The following TMTC2 variants were observed in gnomAD, a reference collection of about 807,000 sequenced individuals.
TMTC2 encodes the protein protein O-mannosyl-transferase TMTC2.
TMTC2 carries 43 observed loss-of-function variants against 82.4 expected under a neutral mutation model. The observed-to-expected ratio is 0.52, with a 90% CI of 0.41 to 0.67. TMTC2 has a LOEUF of 0.67. TMTC2 is among the 30% of genes least tolerant of loss of function. The pLI is 0.00. For synonymous variants in TMTC2, 408 were observed against 381.9 expected, an observed-to-expected ratio of 1.07 and a Z score of -0.80; for missense variants, 919 against 1,012.4, an observed-to-expected ratio of 0.91 and a Z score of 1.25.
intron 1 of TMTC2, among the ~76,000 whole-genome samples, chr12:82,749,783 G>T (rs1388689541): frequency 6.9e-6 from 1 of 145,688 alleles, no homozygotes; most frequent in African/African-American, 2.6e-5. Flanking sequence ...TGTTGCCTAG[G>T]CTGGAGTGCA....
intron 1 of TMTC2, among the ~76,000 whole-genome samples, chr12:82,855,087 A>G (rs1025720706): frequency 7.2e-5 from 11 of 152,214 alleles, no homozygotes; most frequent in African/African-American, 2.7e-4. Context: ...ATACATGTTT[A>G]TTAAATGATT....
chr12:82,716,564 G>T (rs946071829), intron 1 of TMTC2, among the ~76,000 whole-genome samples: 15 of 151,852 alleles, frequency 9.9e-5, no homozygotes, highest in African/African-American at 3.1e-4. Flanking sequence ...GGGTTTCACC[G>T]TGTTAGCCAG....
intron 1 of TMTC2, among the ~76,000 whole-genome samples, chr12:82,765,656 A>T (rs1370866378): frequency 2.0e-5 from 3 of 152,104 alleles, no homozygotes; most frequent in African/African-American, 7.2e-5. Flanking sequence ...CTTTGGCAAC[A>T]AGAGTGAAAC....
At chr12:82,818,204 T>C (rs1868864346) in intron 1 of TMTC2, among the ~76,000 whole-genome samples, 1 of 152,138 alleles carries the variant, frequency 6.6e-6, no homozygotes, top group Non-Finnish European at 1.5e-5. Flanking sequence ...GCTGACTGGC[T>C]ATATATATTT....
chr12:82,757,047 G>T (rs1379202128), intron 1 of TMTC2, among the ~76,000 whole-genome samples: 2 of 152,094 alleles, frequency 1.3e-5, no homozygotes, highest in Non-Finnish European at 2.9e-5. Flanking sequence ...AAAACCCCTG[G>T]TATTCTCAGA....
chr12:82,773,003 G>C (rs1037728216), intron 1 of TMTC2, among the ~76,000 whole-genome samples: 1 of 152,106 alleles, frequency 6.6e-6, no homozygotes, highest in African/African-American at 2.4e-5. Context: ...TTTTTTGTTT[G>C]TGTTTAAATA....
intron 8 of TMTC2, among the ~76,000 whole-genome samples, chr12:83,023,721 C>T (rs927584570): frequency 3.3e-5 from 5 of 152,224 alleles, no homozygotes; most frequent in Non-Finnish European, 5.9e-5. Flanking sequence ...GAGGTCTCTT[C>T]GCCTATTCTG....
chr12:82,746,524 C>A (rs1875701156), intron 1 of TMTC2, among the ~76,000 whole-genome samples: 1 of 152,162 alleles, frequency 6.6e-6, no homozygotes, highest in South Asian at 2.1e-4. Context: ...CATGAACCTT[C>A]CTTTCTCTGC....
intron 11 of TMTC2, among the ~76,000 whole-genome samples, chr12:83,085,599 T>A (rs546109959): frequency 6.6e-6 from 1 of 152,314 alleles, no homozygotes; most frequent in South Asian, 2.1e-4. Flanking sequence ...CAGAAAAATA[T>A]TGACATTTGA....
Position 83,037,465 on chromosome 12 carries a change from T to C in TMTC2, c.2152+6586T>C, listed in dbSNP as rs139671710. ...GATTTTGAGTCTTTGCAAAATTACA[T>C]TGAGATTACAATTACGTTTAATACT... On this transcript the variant is annotated intron_variant, in intron 9 of 11. Coordinates refer to ENST00000321196, the MANE Select transcript of TMTC2 (RefSeq NM_152588.3). Among the ~76,000 whole-genome samples the C allele has an allele frequency of 2.7e-3, 411 of 152,302 alleles. 2 individuals carry two copies. Among genetic ancestry groups the C allele is most frequent in the African/African-American group, 9.6e-3 (399 of 41,560 alleles).
At chr12:82,741,828 G>A (rs1362676365) in intron 1 of TMTC2, among the ~76,000 whole-genome samples, 2 of 152,164 alleles carry the variant, frequency 1.3e-5, no homozygotes, top group Non-Finnish European at 2.9e-5. Context: ...GGGTAGTGGG[G>A]AAGAATGGTC....
intron 1 of TMTC2, among the ~76,000 whole-genome samples, chr12:82,722,711 C>A (rs1466365637): frequency 6.6e-6 from 1 of 152,102 alleles, no homozygotes; most frequent in South Asian, 2.1e-4. Flanking sequence ...CACTGCATTT[C>A]GGCCTGGGCA....
At chr12:83,010,777 C>T (rs565841459) in intron 8 of TMTC2, among the ~76,000 whole-genome samples, 3 of 152,094 alleles carry the variant, frequency 2.0e-5, no homozygotes, top group East Asian at 1.9e-4. Context: ...ATTTTCCCAT[C>T]GCACAAGGCA....
At chr12:82,903,532 C>T (rs1874135504) in intron 3 of TMTC2, among the ~76,000 whole-genome samples, 1 of 152,162 alleles carries the variant, frequency 6.6e-6, no homozygotes, top group South Asian at 2.1e-4. Context: ...CTGCCTCAGC[C>T]TCCCGAGTAG....
At chr12:82,997,635 A>C (rs1056097423) in intron 8 of TMTC2, among the ~76,000 whole-genome samples, 17 of 151,420 alleles carry the variant, frequency 1.1e-4, no homozygotes, top group Admixed American at 3.3e-4. Context: ...AAATTTAAGA[A>C]TGCCAAGAAG....
intron 3 of TMTC2, among the ~76,000 whole-genome samples, chr12:82,917,654 T>A (rs1875080667): frequency 1.3e-5 from 2 of 152,024 alleles, no homozygotes; most frequent in African/African-American, 2.4e-5. Flanking sequence ...CAGGCTGGAG[T>A]GCAGTGGTAC....
chr12:83,124,980 A>G (rs941929922), intron 11 of TMTC2, among the ~76,000 whole-genome samples: 2 of 152,148 alleles, frequency 1.3e-5, no homozygotes, highest in Non-Finnish European at 2.9e-5. Context: ...TAAAATATGA[A>G]ACATATTGTT....
Position 82,896,334 on chromosome 12 carries a change from G to A in TMTC2, c.1171G>A (p.Glu391Lys), listed in dbSNP as rs1211955197. 5 of 1,613,948 alleles carry A rather than the reference G, an allele frequency of 3.1e-6. No homozygotes were observed. The highest frequency in any genetic ancestry group is 4.2e-6 in the Non-Finnish European group (5 of 1,179,976). The change falls in exon 3 of 12, where the codon GAG (glutamate) becomes AAG (lysine). Residue 391 changes from glutamate to lysine, a missense_variant. Physicochemically the swap from Glu to Lys is moderately conservative, Grantham distance 56 (BLOSUM62 1). Coordinates refer to ENST00000321196, the MANE Select transcript of TMTC2 (RefSeq NM_152588.3). ...VSQRTQLPST[E>K]NIVVLSLSLL... ...ACAGAGAACCCAGCTTCCTTCTACGGAGAACATTGTTGTTCTGTCTTTATC... is the reference window on the plus strand; with the variant it reads ...ACAGAGAACCCAGCTTCCTTCTACGAAGAACATTGTTGTTCTGTCTTTATC...
At chr12:82,784,953 T>G (rs1485530107) in intron 1 of TMTC2, among the ~76,000 whole-genome samples, 1 of 152,104 alleles carries the variant, frequency 6.6e-6, no homozygotes. Flanking sequence ...GAAAATAGCT[T>G]AGTTTACAAT....
Sources: allele counts gnomAD v4.1 joint callset (sites outside exome capture counted in the v4.1 genomes callset), GRCh38; gene constraint gnomAD v4.1.1; transcripts MANE v1.5; gene names NCBI Gene and HGNC (gene_info 2026-07-23, HGNC 2026-07-21).